The following CDH23 variants were observed in gnomAD, a reference collection of about 807,000 sequenced individuals.
The protein encoded by CDH23 is cadherin-23.
Under a neutral mutation model 317.1 loss-of-function variants are expected in CDH23, and 189 were observed. That is an observed-to-expected ratio of 0.60 (90% CI 0.53 to 0.67). The LOEUF (loss-of-function observed/expected upper bound fraction) is 0.67, where lower values mean the gene tolerates loss of function less well. Ranked by LOEUF, CDH23 falls within the 30% of genes least tolerant of loss-of-function variation. The probability of loss-of-function intolerance (pLI) is 0.00; values close to 1 mark genes in which losing one functional copy is unlikely to be tolerated. For synonymous variants in CDH23, 1,839 were observed against 1,876.8 expected, an observed-to-expected ratio of 0.98 and a Z score of 0.52; for missense variants, 4,401 against 4,592.4, an observed-to-expected ratio of 0.96 and a Z score of 1.20.
rs541522175 is a variant in CDH23, at chr10:71,759,679, C to T, written c.4845+17758C>T. ...AAAATTAGCCAGGCATTGTGGTGCA[C>T]GCCTGTAATCTCATCCTAGCTACTC... On this transcript the variant is annotated intron_variant, in intron 38 of 69. Coordinates refer to ENST00000224721, the MANE Select transcript of CDH23 (RefSeq NM_022124.6). Among the ~76,000 whole-genome samples, 9 of 151,642 alleles carry T rather than the reference C, an allele frequency of 5.9e-5. No homozygotes were observed. The South Asian group carries it at 8.3e-4, about 14-fold the overall frequency.
At chr10:71,527,907 G>C (rs1183821041) in intron 6 of CDH23, among the ~76,000 whole-genome samples, 1 of 152,124 alleles carries the variant, frequency 6.6e-6, no homozygotes, top group Non-Finnish European at 1.5e-5. Context: ...CTTTTGGCTG[G>C]AGCAGACCTC....
In CDH23 at chr10:71,566,855, C is replaced by T. The variant is rs2132358634; in HGVS notation, c.543C>T (p.Asp181=). The part of the protein sequence containing the change: ...FQPPSQFFAI[D]SARGIVTVIR... ...CCCCCTCCCAATTCTTCGCCATTGA[C>T]AGCGCCCGCGGTATCGTCACAGTGA... The change falls in exon 7 of 70, where the codon GAC becomes GAT. Residue 181 remains aspartate (D), a synonymous_variant. Transcript: ENST00000224721. 1 of 1,614,004 alleles carries T rather than the reference C, an allele frequency of 6.2e-7. No individual in the cohort carries two copies. The highest frequency in any genetic ancestry group is 8.5e-7 in the Non-Finnish European group (1 of 1,179,890).
chr10:71,616,316 C>T (rs952008110), intron 10 of CDH23, among the ~76,000 whole-genome samples: 9 of 152,230 alleles, frequency 5.9e-5, no homozygotes, highest in Admixed American at 3.9e-4. Context: ...GCCCTTCCAG[C>T]GCCATGGGGA....
intron 9 of CDH23, among the ~76,000 whole-genome samples, chr10:71,583,805 T>C (rs1326101193): frequency 6.6e-6 from 1 of 151,982 alleles, no homozygotes. Context: ...GAGAGAGACA[T>C]AGACAAGGAA....
chr10:71,482,899 CA>C (rs1852144183), intron 3 of CDH23, among the ~76,000 whole-genome samples: 1 of 152,186 alleles, frequency 6.6e-6, no homozygotes, highest in African/African-American at 2.4e-5. Context: ...TGTTTCCAGG[CA>C]ACAGAAAGCG....
intron 6 of CDH23, among the ~76,000 whole-genome samples, chr10:71,511,569 T>A (rs1287984808): frequency 6.6e-6 from 1 of 152,120 alleles, no homozygotes; most frequent in Non-Finnish European, 1.5e-5. Context: ...TGGGCAGGCC[T>A]AACCCCAGAT....
rs143024007 is a variant in CDH23 at position 71,736,611 on chromosome 10, C to T, written c.4210-1887C>T. On this transcript the variant is annotated intron_variant, in intron 34 of 69. Coordinates refer to ENST00000224721, the MANE Select transcript of CDH23 (RefSeq NM_022124.6). ...TAGGCCTGGGAACCTGTCCTCCTTCCTCACCCACTGAGGCCAACCCCCTTC... is the reference window on the plus strand; with the variant it reads ...TAGGCCTGGGAACCTGTCCTCCTTCTTCACCCACTGAGGCCAACCCCCTTC... Among the ~76,000 whole-genome samples, 5 of 152,272 alleles carry T rather than the reference C, an allele frequency of 3.3e-5. No individual in the cohort carries two copies. In the East Asian group the frequency reaches 9.7e-4, roughly 29 times the overall value.
intron 34 of CDH23, 136 bp from the exon 35 acceptor site, chr10:71,738,362 C>A: frequency 2.0e-6 from 2 of 983,776 alleles, no homozygotes; most frequent in Non-Finnish European, 3.2e-6. Flanking sequence ...GGATAGGCTT[C>A]GGTGGGCTCT....
intron 27 of CDH23, among the ~76,000 whole-genome samples, chr10:71,710,340 C>T (rs1865928047): frequency 1.3e-5 from 2 of 152,300 alleles, no homozygotes; most frequent in South Asian, 4.1e-4. Context: ...CTCACTGTAG[C>T]CAGGGAAGTG....
At position 71,479,959 on chromosome 10, in the gene CDH23, G is replaced by A. The variant is rs190067666; in HGVS notation, c.146-30123G>A. Among the ~76,000 whole-genome samples the A allele has an allele frequency of 1.9e-3, 282 of 152,308 alleles. 1 individual carries two copies. The highest frequency in any genetic ancestry group is 6.4e-3 in the African/African-American group (265 of 41,566). On this transcript the variant is annotated intron_variant, in intron 3 of 69. Coordinates refer to ENST00000224721, the MANE Select transcript of CDH23 (RefSeq NM_022124.6). ...AAGGCTCACACAAAATGCAAATTGG[G>A]TGACTCTCTGGATACCTGCCTGCCA...
chr10:71,509,606 G>A (rs1034493430), intron 3 of CDH23, among the ~76,000 whole-genome samples: 1 of 152,198 alleles, frequency 6.6e-6, no homozygotes, highest in Admixed American at 6.5e-5. Context: ...AAAAGTCCCA[G>A]GGCTGGCTTT....
At chr10:71,402,260 C>CT (rs1334017638) in intron 1 of CDH23, among the ~76,000 whole-genome samples, 4 of 152,172 alleles carry the variant, frequency 2.6e-5, no homozygotes, top group African/African-American at 9.7e-5. Flanking sequence ...GGCTGTGTTG[C>CT]TGAGAGTGAC....
At chr10:71,678,412 T>C (rs1479225310) in intron 16 of CDH23, among the ~76,000 whole-genome samples, 7 of 152,060 alleles carry the variant, frequency 4.6e-5, no homozygotes. Flanking sequence ...CTGCAGCAAG[T>C]CCCCCACTAG....
intron 3 of CDH23, among the ~76,000 whole-genome samples, chr10:71,484,279 G>A (rs763791015): frequency 1.7e-4 from 26 of 152,200 alleles, no homozygotes; most frequent in Non-Finnish European, 3.2e-4. Context: ...TGGTAGGGAC[G>A]CAGATAAGCA....
intron 29 of CDH23, among the ~76,000 whole-genome samples, chr10:71,724,315 C>T (rs1474488546): frequency 2.0e-5 from 3 of 152,162 alleles, no homozygotes; most frequent in Non-Finnish European, 2.9e-5. Flanking sequence ...GTTTTTGAGA[C>T]GGAGTCTCCC....
chr10:71,811,212 T>C, intron 62 of CDH23, 103 bp from the exon 63 acceptor site: 1 of 1,561,224 alleles, frequency 6.4e-7, no homozygotes, highest in Non-Finnish European at 8.8e-7. Context: ...CTTGCAAGGC[T>C]TGGGGTTGTT....
At chr10:71,522,840 T>C (rs1171064954) in intron 6 of CDH23, among the ~76,000 whole-genome samples, 2 of 152,082 alleles carry the variant, frequency 1.3e-5, no homozygotes, top group East Asian at 3.8e-4. Context: ...GAGAGGGGTC[T>C]TTTCCCCTCA....
intron 6 of CDH23, among the ~76,000 whole-genome samples, chr10:71,518,892 G>T (rs1306958397): frequency 6.6e-6 from 1 of 152,148 alleles, no homozygotes; most frequent in African/African-American, 2.4e-5. Flanking sequence ...AAGGACCCCT[G>T]GTCCCTCATG....
Position 71,732,152 on chromosome 10 carries a change from A to G in CDH23, c.3881A>G (p.Gln1294Arg), listed in dbSNP as rs1839411953. Residue 1294 changes from glutamine to arginine, a missense_variant, in exon 32 of 70, where the codon CAG (glutamine) becomes CGG (arginine). By Grantham distance (43) the Gln-to-Arg change is conservative. Around this residue, in one of 3 missense-constraint regions of CDH23, gnomAD observed 3,068 missense variants for 3,203.3 expected, o/e 0.96. Coordinates refer to ENST00000224721, the MANE Select transcript of CDH23 (RefSeq NM_022124.6). ...SATDQAPPFN[Q>R]GFCSVYITLL... ...ACTGACCAGGCCCCGCCCTTCAACC[A>G]GGGCTTCTGCAGCGTCTACATCACT... 1 of 1,614,026 alleles carries G rather than the reference A, an allele frequency of 6.2e-7. No homozygotes were observed. The highest frequency in any genetic ancestry group is 1.7e-5 in the Admixed American group (1 of 60,024).
Sources: gnomAD v4.1 joint callset for allele counts (sites outside exome capture counted in the v4.1 genomes callset) on GRCh38, gnomAD v4.1.1 for gene constraint, gnomAD v4.1.1 regional missense constraint, MANE v1.5 for transcripts, NCBI Gene and HGNC (gene_info 2026-07-23, HGNC 2026-07-21) for gene names.